Variants in FH observed in about 807,000 individuals in gnomAD.
FH encodes fumarate hydratase.
Under a neutral mutation model 49.4 loss-of-function variants are expected in FH, and 22 were observed. The observed-to-expected ratio is 0.45, with a 90% confidence interval of 0.32 to 0.64. The LOEUF (loss-of-function observed/expected upper bound fraction) is 0.64. Among genes scored for constraint, FH ranks in the 30% least tolerant of loss-of-function variants. The pLI is 0.05. For missense variants in FH, 526 were observed against 641.5 expected (o/e 0.82, Z 1.95); for synonymous variants, 208 against 223.0 (o/e 0.93, Z 0.60).
intron 7 of FH, 21 bp downstream of exon 7, chr1:241,504,021 A>AT (rs1276561754): frequency 1.2e-6 from 2 of 1,608,554 alleles, no homozygotes; most frequent in Non-Finnish European, 1.7e-6. Context: ...TAGCTCCAAC[A>AT]TTTACTAGCT....
At chr1:241,514,638 A>G (rs1466682790) in intron 2 of FH, among the ~76,000 whole-genome samples, 5 of 152,190 alleles carry the variant, frequency 3.3e-5, no homozygotes, top group African/African-American at 1.2e-4. Flanking sequence ...ATCAAAGTAG[A>G]AAAAGCCAAG....
At chr1:241,512,205 A>G in intron 3 of FH, 62 bp from the exon 4 acceptor site, 2 of 1,467,386 alleles carry the variant, frequency 1.4e-6, no homozygotes, top group Non-Finnish European at 1.9e-6. Context: ...ATTATGCCAC[A>G]GAGTTTGAAT....
Position 241,500,572 on chromosome 1 carries a change from A to G in FH, c.1255T>C (p.Ser419Pro), listed in dbSNP as rs200004220. 3 of 1,598,452 alleles carry G rather than the reference A, an allele frequency of 1.9e-6. No homozygotes were observed. Among genetic ancestry groups the G allele is most frequent in the African/African-American group, 1.4e-5 (1 of 72,718 alleles). Residue 419 changes from serine to proline, a missense_variant, in exon 9 of 10, where the codon TCA (serine) becomes CCA (proline). Ser to Pro is a moderately conservative substitution (Grantham distance 74). Coordinates refer to ENST00000366560, the MANE Select transcript of FH (RefSeq NM_000143.4). ...KPMMIKNVLH[S>P]ARLLGDASVS... Reference sequence around the variant, plus strand: ...GAAGCATCCCCCAGCAGCCTGGCTGAGTGTAACACATTTTTAATCTTTGAG... The same window carrying G: ...GAAGCATCCCCCAGCAGCCTGGCTGGGTGTAACACATTTTTAATCTTTGAG...
At chr1:241,514,567 G>A (rs1422218969) in intron 2 of FH, among the ~76,000 whole-genome samples, 1 of 152,140 alleles carries the variant, frequency 6.6e-6, no homozygotes, top group African/African-American at 2.4e-5. Flanking sequence ...AGAGTAGAAG[G>A]GAGAAAGGGA....
chr1:241,511,107 T>A (rs547003740), intron 4 of FH, among the ~76,000 whole-genome samples: 3 of 152,208 alleles, frequency 2.0e-5, no homozygotes, highest in Admixed American at 2.0e-4. Flanking sequence ...TGTGAAATCC[T>A]AACCCCTAGG....
intron 8 of FH, 114 bp from the exon 9 acceptor site, chr1:241,500,704 C>A: frequency 7.2e-7 from 1 of 1,389,874 alleles, no homozygotes; most frequent in Non-Finnish European, 9.8e-7. Flanking sequence ...AGTAAATATA[C>A]AATTCAATAA....
intron 9 of FH, among the ~76,000 whole-genome samples, chr1:241,499,900 C>T (rs149987356): frequency 2.0e-5 from 3 of 152,300 alleles, no homozygotes; most frequent in East Asian, 1.9e-4. Context: ...ACTTATAATA[C>T]AATAGCATGG....
In FH at chr1:241,497,779, G is replaced by A. The variant is rs200333657; in HGVS notation, c.*49C>T. The A allele has an allele frequency of 3.7e-5, 56 of 1,509,644 alleles. No homozygotes were observed. The highest frequency in any genetic ancestry group is 4.9e-5 in the Non-Finnish European group (55 of 1,114,986). The allele number at this position is 1,509,644 out of a possible 1,614,324, so 93.5% of individuals were successfully genotyped here. Reference sequence around the variant, plus strand: ...ATCCGTTTTTAAGAAATGGGAGTCTGTTTTTTTAAATTTTATACATGTTTA... The same window carrying A: ...ATCCGTTTTTAAGAAATGGGAGTCTATTTTTTTAAATTTTATACATGTTTA... On this transcript the variant is annotated 3_prime_UTR_variant, in exon 10 of 10. Coordinates refer to ENST00000366560, the MANE Select transcript of FH (RefSeq NM_000143.4).
chr1:241,498,844 ACAT>A (rs1042857125), intron 9 of FH, among the ~76,000 whole-genome samples: 1 of 149,980 alleles, frequency 6.7e-6, no homozygotes, highest in African/African-American at 2.5e-5. Context: ...GAGGCAGTAT[ACAT>A]CATCAATAAG....
At chr1:241,513,955 T>C (rs1660154299) in intron 2 of FH, among the ~76,000 whole-genome samples, 1 of 152,202 alleles carries the variant, frequency 6.6e-6, no homozygotes, top group South Asian at 2.1e-4. Flanking sequence ...ACTCTTCATA[T>C]ATATATGTGT....
At chr1:241,516,408 C>G (rs1379604205) in intron 2 of FH, among the ~76,000 whole-genome samples, 1 of 152,118 alleles carries the variant, frequency 6.6e-6, no homozygotes, top group Non-Finnish European at 1.5e-5. Context: ...AACAGAGGAA[C>G]AGAAAACCAA....
Position 241,512,910 on chromosome 1 carries a change from G to GGTGTGT in FH, c.378+687_378+692dup, listed in dbSNP as rs10548903. Among the ~76,000 whole-genome samples the GGTGTGT allele has an allele frequency of 4.5e-3, 673 of 148,434 alleles. 8 individuals are homozygous for GGTGTGT. The highest frequency in any genetic ancestry group is 0.016 in the East Asian group (78 of 5,032). On this transcript the variant is annotated intron_variant, in intron 3 of 9. Transcript: ENST00000366560. ...CCCAGTCTCTATCTCATGCAATGAG[G>GGTGTGT]GTGTGTGTGTGTGTGTGTGTGTGTG...
intron 6 of FH, 126 bp downstream of exon 6, chr1:241,505,877 T>C (rs1184160719): frequency 2.2e-6 from 2 of 921,186 alleles, no homozygotes; most frequent in South Asian, 1.4e-5. Flanking sequence ...TTAAAACACA[T>C]GTTTGATGGA....
intron 9 of FH, among the ~76,000 whole-genome samples, chr1:241,499,957 C>A (rs775875747): frequency 1.3e-5 from 2 of 152,132 alleles, no homozygotes; most frequent in African/African-American, 4.8e-5. Flanking sequence ...TCACTATAAG[C>A]AATGAATACA....
chr1:241,508,630 C>T lies in FH; in HGVS notation c.711G>A (p.Gln237=), dbSNP rs1659989732. The part of the protein sequence containing the change: ...QIIKIGRTHT[Q]DAVPLTLGQE... ...GCCCAAGAGTAAGTGGAACAGCATC[C>T]TGAGTATGAGTACGTCCAATCTTGA... Residue 237 remains glutamine, a synonymous_variant, in exon 5 of 10, where the codon CAG becomes CAA. Coordinates refer to ENST00000366560, the MANE Select transcript of FH (RefSeq NM_000143.4). 1 of 1,613,916 alleles carries T rather than the reference C, an allele frequency of 6.2e-7. No homozygotes were observed. The highest frequency in any genetic ancestry group is 8.5e-7 in the Non-Finnish European group (1 of 1,179,826).
At chr1:241,518,049 G>A (rs1573888935) in intron 1 of FH, among the ~76,000 whole-genome samples, 1 of 152,202 alleles carries the variant, frequency 6.6e-6, no homozygotes, top group South Asian at 2.1e-4. Flanking sequence ...GGCCTGGTAA[G>A]TGGAAGGCAC....
intron 3 of FH, among the ~76,000 whole-genome samples, 181 bp from the exon 4 acceptor site, chr1:241,512,324 C>T (rs529367708): frequency 2.0e-5 from 3 of 152,100 alleles, no homozygotes; most frequent in African/African-American, 7.2e-5. Context: ...TCACTGGTTT[C>T]AAATGAAAAG....
rs1261398479 is a variant in FH, at chr1:241,507,427, T to TAC, written c.738+1174_738+1175dup. On this transcript the variant is annotated intron_variant, in intron 5 of 9. Coordinates refer to ENST00000366560, the MANE Select transcript of FH (RefSeq NM_000143.4). Reference sequence around the variant, plus strand: ...GCTAAGCAACACATGACTGTATGTATACACACACACACAAACACACTAGAT... The same window carrying TAC: ...GCTAAGCAACACATGACTGTATGTATACACACACACACACAAACACACTAGAT... Among the ~76,000 whole-genome samples the TAC allele has an allele frequency of 2.0e-5, 3 of 151,854 alleles. No individual in the cohort carries two copies. The South Asian group carries it at 6.2e-4, about 31-fold the overall frequency.
In FH at chr1:241,502,430, A is replaced by G; in HGVS notation, c.1236+13T>C. 4 of 1,613,978 alleles carry G rather than the reference A, an allele frequency of 2.5e-6. No individual in the cohort carries two copies. In the South Asian group the frequency reaches 4.4e-5, roughly 18 times the overall value. On this transcript the variant is annotated intron_variant, in intron 8 of 9. Transcript: ENST00000366560. ...TTGGTCAAAAAACATTAAAAATCAG[A>G]TTTAAAGCTTACCATCATTGGCTTG...
Sources: gnomAD v4.1 joint callset for allele counts (sites outside exome capture counted in the v4.1 genomes callset) on GRCh38, gnomAD v4.1.1 for gene constraint, MANE v1.5 for transcripts, NCBI Gene and HGNC (gene_info 2026-07-23, HGNC 2026-07-21) for gene names.